Variants in ACO2 observed in about 807,000 individuals in gnomAD.
ACO2 encodes aconitate hydratase, mitochondrial.
A neutral mutation model predicts 84.5 loss-of-function variants in ACO2; 31 were observed. The observed-to-expected ratio is 0.37, with a 90% CI of 0.28 to 0.50. ACO2 has a LOEUF of 0.50. Ranked by LOEUF, ACO2 falls within the 20% of genes least tolerant of loss-of-function variation. ACO2 has a pLI of 0.97. For synonymous variants in ACO2, 414 were observed against 412.7 expected (o/e 1.00, Z -0.04); for missense variants, 685 against 1,029.3 (o/e 0.67, Z 4.58).
intron 1 of ACO2, among the ~76,000 whole-genome samples, chr22:41,473,158 G>A (rs1437087368): frequency 6.6e-6 from 1 of 152,154 alleles, no homozygotes; most frequent in Non-Finnish European, 1.5e-5. Flanking sequence ...ACACCATCCT[G>A]AGGATTAAGG....
intron 1 of ACO2, among the ~76,000 whole-genome samples, chr22:41,489,456 ATT>A (rs1196747195): frequency 6.6e-6 from 1 of 152,086 alleles, no homozygotes; most frequent in African/African-American, 2.4e-5. Flanking sequence ...CATACATTGC[ATT>A]TGTTTTTCCA....
chr22:41,510,549 C>T (rs889388749), intron 3 of ACO2, among the ~76,000 whole-genome samples: 1 of 152,188 alleles, frequency 6.6e-6, no homozygotes, highest in African/African-American at 2.4e-5. Context: ...CATCAAGGGT[C>T]CGAGGGCACT....
chr22:41,471,358 G>A (rs936934204), intron 1 of ACO2, among the ~76,000 whole-genome samples: 3 of 152,092 alleles, frequency 2.0e-5, no homozygotes, highest in Admixed American at 6.6e-5. Context: ...CAATAACCAG[G>A]CTGTCTCAAA....
intron 1 of ACO2, 105 bp downstream of exon 1, chr22:41,469,287 T>A (rs1256654771): frequency 7.2e-7 from 1 of 1,392,740 alleles, no homozygotes; most frequent in African/African-American, 1.5e-5. Flanking sequence ...TGGGGCCAAC[T>A]TCTCGTGTAC....
At chr22:41,518,093 TGTGAAGG>T (rs2146127959) in intron 7 of ACO2, among the ~76,000 whole-genome samples, 1 of 152,330 alleles carries the variant, frequency 6.6e-6, no homozygotes, top group African/African-American at 2.4e-5. Flanking sequence ...CATTGGCACC[TGTGAAGG>T]GTGGTGCGTT....
chr22:41,511,094 C>A (rs1450333094), intron 3 of ACO2, among the ~76,000 whole-genome samples: 2 of 152,010 alleles, frequency 1.3e-5, no homozygotes, highest in Non-Finnish European at 2.9e-5. Context: ...CAGCCTTGAA[C>A]TCCTGGGCTC....
chr22:41,508,990 C>T (rs1163867920), intron 3 of ACO2, among the ~76,000 whole-genome samples: 4 of 152,348 alleles, frequency 2.6e-5, no homozygotes, highest in East Asian at 3.9e-4. Flanking sequence ...CTCTCTTCCA[C>T]CCTGGCCCCC....
At chr22:41,472,398 A>G (rs1049754664) in intron 1 of ACO2, among the ~76,000 whole-genome samples, 5 of 151,562 alleles carry the variant, frequency 3.3e-5, no homozygotes, top group Non-Finnish European at 7.4e-5. Context: ...AGTAGTTGTT[A>G]GTAGGTATGG....
intron 16 of ACO2, 155 bp downstream of exon 16, chr22:41,527,575 G>A (rs971624485): frequency 9.2e-7 from 1 of 1,088,064 alleles, no homozygotes; most frequent in Non-Finnish European, 1.3e-6. Context: ...CTCACACAGT[G>A]CACATCCGAC....
chr22:41,503,905 A>T (rs1211069850), intron 2 of ACO2, among the ~76,000 whole-genome samples: 1 of 152,120 alleles, frequency 6.6e-6, no homozygotes, highest in Admixed American at 6.6e-5. Context: ...GGCAGAGGTG[A>T]GGTTATGCTA....
At chr22:41,516,142 C>A in intron 6 of ACO2, 1 of 659,160 alleles carries the variant, frequency 1.5e-6, no homozygotes, top group South Asian at 1.8e-5. Flanking sequence ...TCGAGGCTGC[C>A]GGTGACTTCC....
At chr22:41,473,674 A>G (rs1357754386) in intron 1 of ACO2, among the ~76,000 whole-genome samples, 1 of 152,100 alleles carries the variant, frequency 6.6e-6, no homozygotes, top group East Asian at 1.9e-4. Flanking sequence ...TAAGGTAGAG[A>G]GAATAGGGGT....
chr22:41,512,690 T>C (rs1200111735), intron 4 of ACO2, among the ~76,000 whole-genome samples: 2 of 152,240 alleles, frequency 1.3e-5, no homozygotes, highest in Non-Finnish European at 2.9e-5. Context: ...CATGTGGCCA[T>C]GTCAGCCGGG....
chr22:41,527,142 GC>G, intron 15 of ACO2, 145 bp from the exon 16 acceptor site: 1 of 1,195,978 alleles, frequency 8.4e-7, no homozygotes, highest in Non-Finnish European at 1.2e-6. Context: ...CCCTTAGGCA[GC>G]AGGCGAGGAA....
intron 3 of ACO2, among the ~76,000 whole-genome samples, chr22:41,510,155 C>T (rs1241457338): frequency 1.3e-5 from 2 of 152,058 alleles, no homozygotes; most frequent in South Asian, 2.1e-4. Flanking sequence ...GTCATTATTA[C>T]GTGTATTTGT....
intron 15 of ACO2, 34 bp downstream of exon 15, chr22:41,526,487 T>C: frequency 6.3e-7 from 1 of 1,594,572 alleles, no homozygotes; most frequent in Non-Finnish European, 8.6e-7. Flanking sequence ...ATGCCAGTGG[T>C]CACTCCTGAA....
intron 11 of ACO2, among the ~76,000 whole-genome samples, 173 bp downstream of exon 11, chr22:41,523,451 G>A (rs999976505): frequency 5.3e-5 from 8 of 152,232 alleles, no homozygotes; most frequent in African/African-American, 1.7e-4. Context: ...GAGGGGCTGG[G>A]TGAGGAAGGG....
intron 1 of ACO2, among the ~76,000 whole-genome samples, chr22:41,484,812 G>T (rs1222665730): frequency 1.3e-5 from 2 of 151,578 alleles, no homozygotes; most frequent in African/African-American, 4.8e-5. Context: ...GAGGAAATTG[G>T]GGTGAAATGT....
intron 3 of ACO2, 78 bp from the exon 4 acceptor site, chr22:41,511,798 G>A (rs2066435141): frequency 1.0e-6 from 1 of 1,000,546 alleles, no homozygotes; most frequent in South Asian, 1.6e-5. Flanking sequence ...GGAGGCTGAT[G>A]GGGTGGGGAG....
Sources: allele counts gnomAD v4.1 joint callset (sites outside exome capture counted in the v4.1 genomes callset), GRCh38; gene constraint gnomAD v4.1.1; transcripts MANE v1.5; gene names NCBI Gene and HGNC (gene_info 2026-07-23, HGNC 2026-07-21).